Variants in SAXO2 observed in about 807,000 individuals in gnomAD.
SAXO2 encodes family with sequence similarity 154, member B.
Under a neutral mutation model 18.7 loss-of-function variants are expected in SAXO2, and 17 were observed. That is an observed-to-expected ratio of 0.91 (90% CI 0.62 to 1.36). The LOEUF (loss-of-function observed/expected upper bound fraction) is 1.36. Among genes scored for constraint, SAXO2 ranks in the 40% most tolerant of loss-of-function variants. The pLI, the probability that SAXO2 is intolerant of heterozygous loss-of-function variation, is 0.00. For synonymous variants in SAXO2, 163 were observed against 181.2 expected, an observed-to-expected ratio of 0.90 and a Z score of 0.81; for missense variants, 486 against 562.6, an observed-to-expected ratio of 0.86 and a Z score of 1.38.
At chr15:82,269,943 G>C (rs2075255319) in intron 2 of SAXO2, among the ~76,000 whole-genome samples, 2 of 152,146 alleles carry the variant, frequency 1.3e-5, no homozygotes, top group Admixed American at 6.6e-5. Context: ...GCGTCTGAAA[G>C]GATGGTGATA....
At position 82,282,489 on chromosome 15, in the gene SAXO2, G is replaced by C. The variant is rs2075372442; in HGVS notation, c.804G>C (p.Gln268His). Residue 268 changes from glutamine to histidine, a missense_variant, in exon 4 of 4, where the codon CAG becomes CAC. Transcript: ENST00000682753. ...GACCTGTACACACCAGAGTGACCCA[G>C]AATGCTCTGTTTGAAGGAAGCACTG... Reference protein sequence around the residue: ...LCRPVHTRVTQNALFEGSTEF... With the variant: ...LCRPVHTRVTHNALFEGSTEF... The C allele has an allele frequency of 2.5e-6, 4 of 1,614,168 alleles. No homozygotes were observed. The East Asian group carries it at 6.7e-5, about 27-fold the overall frequency.
chr15:82,271,802 G>A lies in SAXO2; in HGVS notation c.433G>A (p.Asp145Asn). 1 of 1,609,692 alleles carries A rather than the reference G, an allele frequency of 6.2e-7. No individual in the cohort carries two copies. The highest frequency in any genetic ancestry group is 8.5e-7 in the Non-Finnish European group (1 of 1,178,888). Residue 145 changes from aspartate to asparagine, a missense_variant and splice_region_variant, in exon 3 of 4, where the codon GAC (aspartate) becomes AAC (asparagine). Transcript: ENST00000682753. ...ATTGGACACTGTCCCAACCTATAAA[G>A]GTAACTTGCTGTTTCATACATGAAG... ...GKLDTVPTYK[D>N]DYRAWDLHKS...
At chr15:82,278,200 G>A (rs531018524) in intron 3 of SAXO2, among the ~76,000 whole-genome samples, 2 of 152,292 alleles carry the variant, frequency 1.3e-5, no homozygotes, top group South Asian at 2.1e-4. Context: ...CCTTGAACAT[G>A]AAGAAAGAAC....
intron 2 of SAXO2, among the ~76,000 whole-genome samples, chr15:82,268,441 G>A (rs937054123): frequency 6.6e-6 from 1 of 152,170 alleles, no homozygotes; most frequent in Non-Finnish European, 1.5e-5. Context: ...TAAAATATTT[G>A]TTTATTAAAG....
At chr15:82,276,957 A>G (rs1015717372) in intron 3 of SAXO2, among the ~76,000 whole-genome samples, 2 of 152,192 alleles carry the variant, frequency 1.3e-5, no homozygotes, top group African/African-American at 4.8e-5. Context: ...CAAAATTACT[A>G]TATTATGTTT....
intron 3 of SAXO2, among the ~76,000 whole-genome samples, chr15:82,275,368 C>A (rs1282683631): frequency 6.8e-6 from 1 of 147,946 alleles, no homozygotes; most frequent in Non-Finnish European, 1.5e-5. Context: ...CAGCTGGTAC[C>A]AATCCTAGTG....
chr15:82,282,074 T>C, intron 3 of SAXO2, 45 bp from the exon 4 acceptor site: 1 of 1,475,616 alleles, frequency 6.8e-7, no homozygotes, highest in Non-Finnish European at 9.2e-7. Context: ...GATGGTTGTT[T>C]TCTTCAGCAT....
intron 3 of SAXO2, among the ~76,000 whole-genome samples, chr15:82,280,050 A>G (rs148767712): frequency 1.4e-3 from 214 of 152,364 alleles, no homozygotes; most frequent in African/African-American, 4.9e-3. Context: ...TTCCATAAGT[A>G]TCATAAAACA....
At chr15:82,282,023 A>C in intron 3 of SAXO2, 96 bp from the exon 4 acceptor site, 1 of 933,150 alleles carries the variant, frequency 1.1e-6, no homozygotes, top group Non-Finnish European at 1.6e-6. Flanking sequence ...GGAAATGGAA[A>C]GATGTTTGGC....
rs1379166241 is a variant in SAXO2, at chr15:82,263,132, T to G, written c.53+200T>G. The stretch of plus-strand genomic sequence containing the variant: ...CTGCTACCCGGGGGTAAAACGTTTG[T>G]TCGTAGCCCCTGAGACTCCCAATCA... On this transcript the variant is annotated intron_variant, in intron 1 of 3. Transcript: ENST00000682753. 4.8e-6 allele frequency: 7 copies of G among 1,469,714 alleles called. No homozygotes were observed. In the Admixed American group the frequency reaches 1.3e-4, roughly 28 times the overall value. 91.0% of individuals were successfully genotyped at this position (1,469,714 alleles called of 1,614,324 possible). A position where few individuals can be genotyped will look rare whatever the true frequency, so the allele number is the denominator to read the frequency against.
At chr15:82,264,074 T>G (rs1448900898) in intron 1 of SAXO2, among the ~76,000 whole-genome samples, 2 of 148,932 alleles carry the variant, frequency 1.3e-5, no homozygotes, top group Non-Finnish European at 3.0e-5. Flanking sequence ...ATTGATTTTT[T>G]TTTTTTTTTT....
In SAXO2 at chr15:82,283,316, T is replaced by G. The variant is rs1176080205; in HGVS notation, c.*254T>G. The stretch of plus-strand genomic sequence containing the variant: ...ATTCCCATGAGAACTATTTTAGTAT[T>G]CAACATACTGCTTAGTAGCTTGTCC... On this transcript the variant is annotated 3_prime_UTR_variant, in exon 4 of 4. Transcript: ENST00000682753. 50 of 256,838 alleles carry G rather than the reference T, an allele frequency of 1.9e-4. 1 individual carries two copies. In the East Asian group the frequency reaches 4.1e-3, roughly 21 times the overall value. The allele number at this position is 256,838 out of a possible 1,614,324, so 15.9% of individuals were successfully genotyped here.
rs915635105 is a variant in SAXO2 at position 82,284,058 on chromosome 15, A to G, written c.*996A>G. On this transcript the variant is annotated 3_prime_UTR_variant, in exon 4 of 4. Coordinates refer to ENST00000682753, the MANE Select transcript of SAXO2 (RefSeq NM_001348699.2). ...TGAGCCTCAGTGTCTTTATTTGTAA[A>G]ATGATGTCTGTTCTCAAAAAGAGTT... 2.0e-5 allele frequency: 3 copies of G among 152,198 alleles called. No individual in the cohort carries two copies. Among genetic ancestry groups the G allele is most frequent in the African/African-American group, 4.8e-5 (2 of 41,446 alleles). 9.4% of individuals were successfully genotyped at this position (152,198 alleles called of 1,614,324 possible).
chr15:82,271,817 C>T lies in SAXO2; in HGVS notation c.433+15C>T. 6 of 1,604,042 alleles carry T rather than the reference C, an allele frequency of 3.7e-6. No homozygotes were observed. The highest frequency in any genetic ancestry group is 3.3e-4 in the Middle Eastern group (2 of 5,994). ...AACCTATAAAGGTAACTTGCTGTTTCATACATGAAGGAGCCAAAAAACTAA... is the reference window on the plus strand; with the variant it reads ...AACCTATAAAGGTAACTTGCTGTTTTATACATGAAGGAGCCAAAAAACTAA... On this transcript the variant is annotated intron_variant, in intron 3 of 3. Coordinates refer to ENST00000682753, the MANE Select transcript of SAXO2 (RefSeq NM_001348699.2).
rs2075384370 is a variant in SAXO2 at position 82,283,276 on chromosome 15, G to A, written c.*214G>A. The A allele has an allele frequency of 3.0e-6, 1 of 336,860 alleles. No individual in the cohort carries two copies. The highest frequency in any genetic ancestry group is 2.2e-5 in the African/African-American group (1 of 46,232). 20.9% of individuals were successfully genotyped at this position (336,860 alleles called of 1,614,324 possible). Reference sequence around the variant, plus strand: ...TTGTTCTTTAATGTGCATTTCAGAAGGTTGAATAATATGCATTCCCATGAG... The same window carrying A: ...TTGTTCTTTAATGTGCATTTCAGAAAGTTGAATAATATGCATTCCCATGAG... On this transcript the variant is annotated 3_prime_UTR_variant, in exon 4 of 4. Coordinates refer to ENST00000682753, the MANE Select transcript of SAXO2 (RefSeq NM_001348699.2).
intron 2 of SAXO2, among the ~76,000 whole-genome samples, chr15:82,267,380 C>G (rs137891095): frequency 0.018 from 2,752 of 152,290 alleles, 29 homozygotes; most frequent in Non-Finnish European, 0.026. Context: ...AGGAAGCAAT[C>G]AGATATGCAT....
chr15:82,271,120 T>C (rs1312371909), intron 2 of SAXO2, among the ~76,000 whole-genome samples: 1 of 152,242 alleles, frequency 6.6e-6, no homozygotes, highest in African/African-American at 2.4e-5. Flanking sequence ...TTACTAATCA[T>C]TTAACAATAA....
intron 3 of SAXO2, among the ~76,000 whole-genome samples, chr15:82,279,690 C>T (rs2075346290): frequency 6.6e-6 from 1 of 152,174 alleles, no homozygotes; most frequent in South Asian, 2.1e-4. Context: ...TGTCCCCTTA[C>T]TTTCTAAAAG....
chr15:82,270,353 G>T (rs949543161), intron 2 of SAXO2, among the ~76,000 whole-genome samples: 8 of 152,154 alleles, frequency 5.3e-5, no homozygotes, highest in African/African-American at 1.7e-4. Flanking sequence ...AACAGACAGT[G>T]TGCACAATAA....
Sources: allele counts gnomAD v4.1 joint callset (sites outside exome capture counted in the v4.1 genomes callset), GRCh38; gene constraint gnomAD v4.1.1; transcripts MANE v1.5; gene names NCBI Gene and HGNC (gene_info 2026-07-23, HGNC 2026-07-21).